TOPAZ1: variants seen among roughly 807,000 people sequenced by gnomAD.
TOPAZ1 encodes testis and ovary specific TOPAZ 1.
A neutral mutation model predicts 172.2 loss-of-function variants in TOPAZ1; 66 were observed. The ratio of observed to expected loss-of-function variants is 0.38; its 90% CI spans 0.31 to 0.47. The LOEUF is 0.47. Ranked by LOEUF, TOPAZ1 falls within the 20% of genes least tolerant of loss-of-function variation. The pLI is 0.99. For missense variants in TOPAZ1, 1,822 were observed against 1,972.4 expected (o/e 0.92, Z 1.44); for synonymous variants, 681 against 683.9 (o/e 1.00, Z 0.07).
Position 44,305,248 on chromosome 3 carries a change from C to T in TOPAZ1, c.3966C>T (p.Cys1322=). The change falls in exon 14 of 20, where the codon TGC becomes TGT. Residue 1322 remains cysteine, a synonymous_variant. Coordinates refer to ENST00000309765, the MANE Select transcript of TOPAZ1 (RefSeq NM_001145030.2). ...CAGATTTCCAGACATTTTGTGCTTG[C>T]ATTGCTGAAACACTCACAAAAAACT... is the stretch of plus-strand genomic sequence containing the variant. ...KFADFQTFCA[C]IAETLTKNYE... The T allele has an allele frequency of 1.3e-6, 2 of 1,548,156 alleles. No homozygotes were observed. Among genetic ancestry groups the T allele is most frequent in the South Asian group, 2.4e-5 (2 of 82,870 alleles).
intron 15 of TOPAZ1, 76 bp downstream of exon 15, chr3:44,306,502 C>A: frequency 1.2e-6 from 1 of 819,538 alleles, no homozygotes; most frequent in South Asian, 2.1e-5. Context: ...TATAAGTTAA[C>A]CCTGCAAATT....
chr3:44,309,551 A>G (rs557354071), intron 15 of TOPAZ1, among the ~76,000 whole-genome samples: 10 of 152,360 alleles, frequency 6.6e-5, no homozygotes, highest in African/African-American at 1.9e-4. Flanking sequence ...ACAGTGTATA[A>G]AACAAATAAA....
intron 14 of TOPAZ1, 74 bp downstream of exon 14, chr3:44,305,395 G>A (rs1488989222): frequency 1.5e-6 from 2 of 1,303,546 alleles, no homozygotes; most frequent in Non-Finnish European, 1.0e-6. Flanking sequence ...TTAGAGACAG[G>A]GTCTTCCTTT....
At chr3:44,269,352 C>T in intron 7 of TOPAZ1, 51 bp downstream of exon 7, 2 of 1,057,368 alleles carry the variant, frequency 1.9e-6, no homozygotes, top group African/African-American at 3.2e-5. Context: ...TCCTCCCCCT[C>T]CTCCTCCTTC....
rs572895437 is a variant in TOPAZ1, at chr3:44,244,044, C to A, written c.1538C>A (p.Pro513Gln). The A allele has an allele frequency of 1.3e-6, 2 of 1,551,798 alleles. No homozygotes were observed. The highest frequency in any genetic ancestry group is 1.7e-6 in the Non-Finnish European group (2 of 1,146,984). Residue 513 changes from proline (P) to glutamine (Q), a missense_variant, in exon 2 of 20, where the codon CCA (proline) becomes CAA (glutamine). Physicochemically the swap from Pro to Gln is moderately conservative, Grantham distance 76. This residue lies in a region of TOPAZ1 where 1,489 missense variants were observed against 1,490.8 expected (regional missense o/e 1.00). Coordinates refer to ENST00000309765, the MANE Select transcript of TOPAZ1 (RefSeq NM_001145030.2). Reference protein sequence around the residue: ...SAWCWKKASLPESSYFLRGSQ... With the variant: ...SAWCWKKASLQESSYFLRGSQ... Reference sequence around the variant, plus strand: ...TGGTGTTGGAAAAAGGCTTCCTTGCCAGAATCAAGTTACTTTCTTCGTGGG... The same window carrying A: ...TGGTGTTGGAAAAAGGCTTCCTTGCAAGAATCAAGTTACTTTCTTCGTGGG...
chr3:44,288,784 G>T (rs867147706), intron 11 of TOPAZ1, among the ~76,000 whole-genome samples: 2 of 152,068 alleles, frequency 1.3e-5, no homozygotes, highest in Admixed American at 6.5e-5. Context: ...AATGTACCCC[G>T]CAGTGACTGT....
Position 44,242,978 on chromosome 3 carries a change from G to C in TOPAZ1, c.472G>C (p.Gly158Arg), listed in dbSNP as rs976596223. The C allele has an allele frequency of 1.1e-5, 17 of 1,550,496 alleles. No individual in the cohort carries two copies. Among genetic ancestry groups the C allele is most frequent in the Non-Finnish European group, 1.4e-5 (16 of 1,146,754 alleles). The change falls in exon 2 of 20, where the codon GGT becomes CGT. Residue 158 changes from glycine (G) to arginine (R), a missense_variant. By Grantham distance (125) the Gly-to-Arg change is moderately radical (BLOSUM62 -2). This residue lies in a region of TOPAZ1 where 1,489 missense variants were observed against 1,490.8 expected (regional missense o/e 1.00). Transcript: ENST00000309765. ...AACAGTGGAATGCTTGCAGTCTTTG[G>C]GTAAGGAAAGTATAATAGAAGGTAT... is the stretch of plus-strand genomic sequence containing the variant. ...FQTVECLQSL[G>R]KESIIEGIKR...
chr3:44,253,404 C>G (rs1016593827), intron 2 of TOPAZ1, among the ~76,000 whole-genome samples: 2 of 152,154 alleles, frequency 1.3e-5, no homozygotes, highest in African/African-American at 4.8e-5. Flanking sequence ...AACGTGGTGA[C>G]TTTACACAGA....
Position 44,331,992 on chromosome 3 carries a change from G to A in TOPAZ1, c.5060G>A (p.Trp1687Ter), listed in dbSNP as rs568213429. 6.5e-7 allele frequency: 1 copy of A among 1,547,138 alleles called. No individual in the cohort carries two copies. Among genetic ancestry groups the A allele is most frequent in the East Asian group, 2.5e-5 (1 of 40,814 alleles). Residue 1687 changes from tryptophan (W) to a stop codon, truncating the protein, a stop_gained, in exon 20 of 20, where the codon TGG (tryptophan) becomes TAG (stop). Transcript: ENST00000309765. LOFTEE classifies it high-confidence loss of function. ...AATATGAAGTGGGCTGGAAAGGTTT[G>A]GCTTTTCAGTAACCATTAGCTAATA... The part of the protein sequence containing the change: ...KENMKWAGKV[W>*]LFSNH
intron 1 of TOPAZ1, 41 bp downstream of exon 1, chr3:44,242,440 C>T (rs1182472235): frequency 6.5e-7 from 1 of 1,534,784 alleles, no homozygotes; most frequent in Admixed American, 2.0e-5. Flanking sequence ...AGCCCTTGTA[C>T]CTCAGCGTGC....
chr3:44,255,920 C>G (rs931762626), intron 3 of TOPAZ1, among the ~76,000 whole-genome samples: 4 of 150,712 alleles, frequency 2.7e-5, no homozygotes, highest in African/African-American at 9.7e-5. Context: ...ATTTAAAATT[C>G]TTGAGATGAT....
chr3:44,286,035 G>A (rs757012982), intron 9 of TOPAZ1, among the ~76,000 whole-genome samples: 7 of 135,262 alleles, frequency 5.2e-5, no homozygotes, highest in African/African-American at 1.7e-4. Flanking sequence ...ATGGTGAAAC[G>A]CCGTCTCTAC....
In TOPAZ1 at chr3:44,258,554, A is replaced by G. The variant is rs572557478; in HGVS notation, c.2955+2276A>G. On this transcript the variant is annotated intron_variant, in intron 4 of 19. Coordinates refer to ENST00000309765, the MANE Select transcript of TOPAZ1 (RefSeq NM_001145030.2). ...GAGTATTATATAAATGGAATCATAC[A>G]GTATGTAACCTCTTCAGATTGGTTT... 1.3e-4 allele frequency among the ~76,000 whole-genome samples: 20 copies of G among 151,912 alleles called. No individual in the cohort carries two copies. In the South Asian group the frequency reaches 1.5e-3, roughly 11 times the overall value.
chr3:44,302,109 T>C (rs1575728323), intron 12 of TOPAZ1, among the ~76,000 whole-genome samples: 1 of 152,154 alleles, frequency 6.6e-6, no homozygotes, highest in Admixed American at 6.5e-5. Flanking sequence ...TCCAACAACA[T>C]GTATTAAAAT....
intron 17 of TOPAZ1, among the ~76,000 whole-genome samples, chr3:44,321,521 C>G (rs1700505960): frequency 6.6e-6 from 1 of 152,114 alleles, no homozygotes; most frequent in Non-Finnish European, 1.5e-5. Context: ...TGAATAAATA[C>G]AGAACTTAGT....
chr3:44,268,363 A>ATTTTTTTTTTTTTTTTTTTTTTTT (rs1293339613), intron 6 of TOPAZ1, among the ~76,000 whole-genome samples: 2 of 91,758 alleles, frequency 2.2e-5, no homozygotes, highest in Admixed American at 1.3e-4. Context: ...TGTGGTGCCT[A>ATTTTTTTTTTTTTTTTTTTTTTTT]TTCTTTTTTT....
At chr3:44,301,117 G>A (rs898959624) in intron 12 of TOPAZ1, among the ~76,000 whole-genome samples, 4 of 152,134 alleles carry the variant, frequency 2.6e-5, no homozygotes, top group Non-Finnish European at 5.9e-5. Flanking sequence ...TGGTTGCCAG[G>A]GGACAGGGAC....
intron 5 of TOPAZ1, among the ~76,000 whole-genome samples, chr3:44,264,822 C>T (rs1413957408): frequency 1.3e-5 from 2 of 152,204 alleles, no homozygotes; most frequent in African/African-American, 4.8e-5. Flanking sequence ...TAGATTTCAT[C>T]TCAAGAAACC....
At position 44,331,984 on chromosome 3, in the gene TOPAZ1, A is replaced by G; in HGVS notation, c.5052A>G (p.Gly1684=). 6.4e-7 allele frequency: 1 copy of G among 1,550,462 alleles called. No individual in the cohort carries two copies. The highest frequency in any genetic ancestry group is 8.7e-7 in the Non-Finnish European group (1 of 1,146,882). The change falls in exon 20 of 20, where the codon GGA becomes GGG. Residue 1684 remains glycine, a synonymous_variant. Coordinates refer to ENST00000309765, the MANE Select transcript of TOPAZ1 (RefSeq NM_001145030.2). The part of the protein sequence containing the change: ...KWLKENMKWA[G]KVWLFSNH The stretch of plus-strand genomic sequence containing the variant: ...TAAAAGAGAATATGAAGTGGGCTGG[A>G]AAGGTTTGGCTTTTCAGTAACCATT...
Sources: gnomAD v4.1 joint callset for allele counts (sites outside exome capture counted in the v4.1 genomes callset) on GRCh38, gnomAD v4.1.1 for gene constraint, gnomAD v4.1.1 regional missense constraint, MANE v1.5 for transcripts, NCBI Gene and HGNC (gene_info 2026-07-23, HGNC 2026-07-21) for gene names.